The following ERC2 variants were observed in gnomAD, a reference collection of about 807,000 sequenced individuals.
The protein encoded by ERC2 is ERC protein 2.
ERC2 carries 42 observed loss-of-function variants against 114.8 expected under a neutral mutation model. That is an observed-to-expected ratio of 0.37 (90% CI 0.29 to 0.47). The LOEUF is 0.47. ERC2 is among the 20% of genes least tolerant of loss of function. ERC2 has a pLI of 0.99. For missense variants in ERC2, 939 were observed against 1,150.7 expected, an observed-to-expected ratio of 0.82 and a Z score of 2.66; for synonymous variants, 454 against 425.5, an observed-to-expected ratio of 1.07 and a Z score of -0.82.
At chr3:56,192,711 T>C (rs2047865271) in intron 3 of ERC2, among the ~76,000 whole-genome samples, 1 of 152,160 alleles carries the variant, frequency 6.6e-6, no homozygotes, top group Non-Finnish European at 1.5e-5. Context: ...CTGTGTCACC[T>C]GTACCAGGTG....
chr3:55,837,393 GCAC>G (rs1328726647), intron 14 of ERC2, among the ~76,000 whole-genome samples: 5 of 152,032 alleles, frequency 3.3e-5, no homozygotes, highest in Non-Finnish European at 7.4e-5. Context: ...AGAAAATGTG[GCAC>G]ATATACACCA....
At chr3:55,761,870 C>T (rs1276800122) in intron 14 of ERC2, among the ~76,000 whole-genome samples, 11 of 144,476 alleles carry the variant, frequency 7.6e-5, no homozygotes, top group Non-Finnish European at 1.1e-4. Flanking sequence ...AGCGAGACTC[C>T]GTCTCAAAAA....
intron 14 of ERC2, among the ~76,000 whole-genome samples, chr3:55,751,380 G>A (rs1023863457): frequency 2.0e-5 from 3 of 152,194 alleles, no homozygotes; most frequent in African/African-American, 4.8e-5. Flanking sequence ...CAGAAGGAAA[G>A]AAAAGCTGAG....
rs1175185228 is a variant in ERC2 at position 55,537,302 on chromosome 3, G to C, written c.*40-26026C>G. Among the ~76,000 whole-genome samples the C allele has an allele frequency of 3.9e-5, 6 of 152,364 alleles. No homozygotes were observed. In the South Asian group the frequency reaches 1.0e-3, roughly 26 times the overall value. ...TCTTAGAAACCAGGATAGGTTTGGA[G>C]CATAGAGGTGGAAGACGATGGTTTC... On this transcript the variant is annotated intron_variant, in intron 17 of 17. Transcript: ENST00000288221.
intron 2 of ERC2, among the ~76,000 whole-genome samples, chr3:56,301,926 T>C (rs1311405948): frequency 6.6e-6 from 1 of 152,104 alleles, no homozygotes; most frequent in Non-Finnish European, 1.5e-5. Flanking sequence ...AATGAGTTAA[T>C]ACATATAAAG....
intron 6 of ERC2, among the ~76,000 whole-genome samples, chr3:56,109,771 T>A (rs2078862561): frequency 6.6e-6 from 1 of 151,700 alleles, no homozygotes; most frequent in Non-Finnish European, 1.5e-5. Context: ...AAAGAACAAA[T>A]AAACTATAAA....
At chr3:55,689,533 T>A (rs988478672) in intron 16 of ERC2, among the ~76,000 whole-genome samples, 1 of 152,290 alleles carries the variant, frequency 6.6e-6, no homozygotes, top group South Asian at 2.1e-4. Context: ...TTATTTTCGC[T>A]CCTTCATCGA....
At chr3:55,851,704 C>G (rs950646269) in intron 14 of ERC2, among the ~76,000 whole-genome samples, 3 of 151,666 alleles carry the variant, frequency 2.0e-5, no homozygotes, top group African/African-American at 7.3e-5. Context: ...TTTAAAAAAT[C>G]CAAAAATCCC....
chr3:55,691,744 A>G (rs1290725336), intron 16 of ERC2, among the ~76,000 whole-genome samples: 1 of 151,690 alleles, frequency 6.6e-6, no homozygotes, highest in Non-Finnish European at 1.5e-5. Flanking sequence ...CCATAACTAT[A>G]CTTTAGTAAG....
chr3:56,032,169 C>G (rs1271125621), intron 7 of ERC2, among the ~76,000 whole-genome samples: 7 of 152,228 alleles, frequency 4.6e-5, no homozygotes, highest in African/African-American at 1.7e-4. Context: ...CATGCTGACA[C>G]CAGCATCATG....
At chr3:55,698,898 A>C (rs2063077040) in intron 16 of ERC2, among the ~76,000 whole-genome samples, 1 of 152,094 alleles carries the variant, frequency 6.6e-6, no homozygotes, top group South Asian at 2.1e-4. Context: ...AATAAACCAG[A>C]CTCCTTGACT....
intron 2 of ERC2, among the ~76,000 whole-genome samples, chr3:56,343,192 T>TCTCTCTCTCTCACACACA (rs1376220124): frequency 4.8e-5 from 6 of 126,206 alleles, no homozygotes; most frequent in African/African-American, 1.8e-4. Context: ...TCTCTCTCTC[T>TCTCTCTCTCTCACACACA]CACACACACA....
intron 17 of ERC2, among the ~76,000 whole-genome samples, chr3:55,582,272 G>T (rs748268526): frequency 6.6e-6 from 1 of 152,270 alleles, no homozygotes; most frequent in Non-Finnish European, 1.5e-5. Context: ...CCTCTGTGAG[G>T]GCCTCTCTCC....
chr3:56,170,287 C>A (rs972443860), intron 4 of ERC2, among the ~76,000 whole-genome samples: 6 of 152,344 alleles, frequency 3.9e-5, no homozygotes, highest in Admixed American at 2.6e-4. Flanking sequence ...TGCAAAAGAA[C>A]TGCCCCCAGT....
intron 11 of ERC2, among the ~76,000 whole-genome samples, chr3:55,987,382 A>G (rs2070719436): frequency 6.6e-6 from 1 of 152,204 alleles, no homozygotes; most frequent in Non-Finnish European, 1.5e-5. Context: ...TGCCTCTTTC[A>G]AGGGCTCCCA....
At chr3:56,412,567 C>A (rs1320211066) in intron 2 of ERC2, among the ~76,000 whole-genome samples, 1 of 152,154 alleles carries the variant, frequency 6.6e-6, no homozygotes, top group Non-Finnish European at 1.5e-5. Flanking sequence ...TCTGGACTAG[C>A]CCCTTCTTCA....
At chr3:56,102,816 T>G (rs2078432859) in intron 6 of ERC2, among the ~76,000 whole-genome samples, 1 of 152,224 alleles carries the variant, frequency 6.6e-6, no homozygotes, top group Non-Finnish European at 1.5e-5. Context: ...ATTTTTGAAC[T>G]TTAATAGAAA....
At chr3:55,668,691 T>C (rs1559474897) in intron 17 of ERC2, among the ~76,000 whole-genome samples, 1 of 152,236 alleles carries the variant, frequency 6.6e-6, no homozygotes, top group Non-Finnish European at 1.5e-5. Flanking sequence ...GCCAGCCTGT[T>C]GAATCGCCCA....
chr3:55,862,553 G>A (rs570287286), intron 14 of ERC2, among the ~76,000 whole-genome samples: 5 of 152,256 alleles, frequency 3.3e-5, no homozygotes, highest in African/African-American at 9.6e-5. Context: ...TGACTGTTAC[G>A]TGAGAAAACA....
Sources: allele counts gnomAD v4.1 joint callset (sites outside exome capture counted in the v4.1 genomes callset), GRCh38; gene constraint gnomAD v4.1.1; transcripts MANE v1.5; gene names NCBI Gene and HGNC (gene_info 2026-07-23, HGNC 2026-07-21).